CHRDL1: variants seen among roughly 807,000 people sequenced by gnomAD.
CHRDL1 encodes chordin-like protein 1.
A neutral mutation model predicts 40.9 loss-of-function variants in CHRDL1; 19 were observed. The ratio of observed to expected loss-of-function variants is 0.46; its 90% confidence interval spans 0.32 to 0.68. CHRDL1 has a LOEUF of 0.68. Among genes scored for constraint, CHRDL1 ranks in the 30% least tolerant of loss-of-function variants. The pLI is 0.03. For synonymous variants in CHRDL1, 136 were observed against 123.4 expected (o/e 1.10, Z -0.68); for missense variants, 329 against 352.1 (o/e 0.93, Z 0.53).
At chrX:110,735,066 A>G (rs1329404501) in intron 4 of CHRDL1, among the ~76,000 whole-genome samples, 2 of 110,830 alleles carry the variant, frequency 1.8e-5, no homozygotes, top group Non-Finnish European at 1.9e-5. Context: ...AAATGGACAA[A>G]TTAGTCATTA....
intron 6 of CHRDL1, among the ~76,000 whole-genome samples, chrX:110,714,631 C>A (rs1326026390): frequency 9.0e-6 from 1 of 111,430 alleles, no homozygotes; most frequent in Non-Finnish European, 1.9e-5. Context: ...ACTGTCCCAG[C>A]CTCAAAGACA....
At chrX:110,767,397 A>G (rs1168079468) in intron 2 of CHRDL1, among the ~76,000 whole-genome samples, 1 of 110,531 alleles carries the variant, frequency 9.0e-6, no homozygotes, top group African/African-American at 3.3e-5. Flanking sequence ...GAGGAAGTCA[A>G]ACTGTCCCAG....
chrX:110,697,867 C>T (rs941050559), intron 7 of CHRDL1, among the ~76,000 whole-genome samples: 3 of 100,958 alleles, frequency 3.0e-5, no homozygotes, highest in African/African-American at 1.3e-4. Flanking sequence ...CACACACACA[C>T]ACACACACAC....
At chrX:110,772,641 A>C (rs1000214025) in intron 2 of CHRDL1, among the ~76,000 whole-genome samples, 2 of 112,742 alleles carry the variant, frequency 1.8e-5, no homozygotes, top group Non-Finnish European at 3.7e-5. Context: ...TCTGTCTCAA[A>C]AGCAAAAAGA....
intron 9 of CHRDL1, 60 bp downstream of exon 9, chrX:110,688,534 G>A: frequency 1.2e-6 from 1 of 802,510 alleles, no homozygotes; most frequent in Non-Finnish European, 1.9e-6. Context: ...CCTAAAGAAA[G>A]TTTAGAAAGA....
chrX:110,793,236 A>G (rs1602439469), intron 1 of CHRDL1, among the ~76,000 whole-genome samples: 1 of 112,468 alleles, frequency 8.9e-6, no homozygotes, highest in East Asian at 2.8e-4. Flanking sequence ...ATGCAAAACG[A>G]TCATTTTGGA....
intron 4 of CHRDL1, among the ~76,000 whole-genome samples, chrX:110,749,321 C>A (rs1453539345): frequency 9.0e-6 from 1 of 111,239 alleles, no homozygotes; most frequent in Non-Finnish European, 1.9e-5. Flanking sequence ...AACCTCAACT[C>A]CCAAGTTTGA....
At chrX:110,711,337 C>A (rs1239088783) in intron 6 of CHRDL1, among the ~76,000 whole-genome samples, 1 of 110,969 alleles carries the variant, frequency 9.0e-6, no homozygotes, top group East Asian at 2.8e-4. Flanking sequence ...GAGATTTACC[C>A]TTTTAACAAA....
chrX:110,707,859 C>A (rs1466572591), intron 6 of CHRDL1, among the ~76,000 whole-genome samples: 1 of 111,574 alleles, frequency 9.0e-6, no homozygotes, highest in Non-Finnish European at 1.9e-5. Context: ...GCACAGGCAA[C>A]CTACAGAATG....
chrX:110,752,064 A>T (rs2089369481), intron 4 of CHRDL1, among the ~76,000 whole-genome samples: 1 of 112,104 alleles, frequency 8.9e-6, no homozygotes, highest in Non-Finnish European at 1.9e-5. Flanking sequence ...TGTGGAAGCT[A>T]AAAAAGTTGA....
At chrX:110,722,962 C>T (rs952516208) in intron 4 of CHRDL1, among the ~76,000 whole-genome samples, 3 of 110,925 alleles carry the variant, frequency 2.7e-5, no homozygotes, top group African/African-American at 6.6e-5. Flanking sequence ...TAAAAAAAAA[C>T]AGAATGGGCC....
intron 3 of CHRDL1, among the ~76,000 whole-genome samples, chrX:110,760,199 A>G (rs1378374838): frequency 8.9e-6 from 1 of 112,427 alleles, no homozygotes; most frequent in East Asian, 2.8e-4. Flanking sequence ...TGGATCCTGG[A>G]TTCCATATAA....
Position 110,716,709 on chromosome X carries a change from C to T in CHRDL1, c.541+3126G>A, listed in dbSNP as rs776907037. 1.3e-4 allele frequency among the ~76,000 whole-genome samples: 14 copies of T among 111,246 alleles called. No individual in the cohort carries two copies. The South Asian group carries it at 1.9e-3, about 15-fold the overall frequency. ...CTTCCAACTACTACTTATCAAAATGCGACCTGAGGACGGCCTGCAATAGAA... is the reference window on the plus strand; with the variant it reads ...CTTCCAACTACTACTTATCAAAATGTGACCTGAGGACGGCCTGCAATAGAA... On this transcript the variant is annotated intron_variant, in intron 6 of 11. Transcript: ENST00000372042.
At chrX:110,764,993 C>T (rs181009546) in intron 2 of CHRDL1, among the ~76,000 whole-genome samples, 4 of 111,677 alleles carry the variant, frequency 3.6e-5, no homozygotes, top group East Asian at 2.8e-4. Context: ...ATAAGTGCAC[C>T]GCTGAACATA....
At chrX:110,689,753 A>ATC (rs1207320296) in intron 8 of CHRDL1, among the ~76,000 whole-genome samples, 1 of 43,684 alleles carries the variant, frequency 2.3e-5, no homozygotes, top group East Asian at 3.8e-4. Flanking sequence ...ATATCTATAT[A>ATC]TCTATATATC....
At position 110,681,494 on chromosome X, in the gene CHRDL1, T is replaced by C. The variant is rs1417307475; in HGVS notation, c.1144A>G (p.Thr382Ala). Residue 382 changes from threonine (T) to alanine (A), a missense_variant, in exon 10 of 12, where the codon ACT becomes GCT. Thr to Ala is a moderately conservative substitution (Grantham distance 58). Coordinates refer to ENST00000372042, the MANE Select transcript of CHRDL1 (RefSeq NM_001143981.2). ...TTGTCTTGCTCACCCTTTCGAATAG[T>C]CCAAACGTGGACCTCTACCTGAGGT... ...RPPQVEVHVW[T>A]IRKGILQHFH... is the part of the protein sequence containing the mutation. The C allele has an allele frequency of 1.7e-6, 2 of 1,209,454 alleles. No homozygotes were observed. Among genetic ancestry groups the C allele is most frequent in the Non-Finnish European group, 2.2e-6 (2 of 893,640 alleles).
intron 4 of CHRDL1, among the ~76,000 whole-genome samples, chrX:110,752,281 G>A (rs1312888827): frequency 8.9e-6 from 1 of 112,093 alleles, no homozygotes; most frequent in African/African-American, 3.2e-5. Context: ...TGTTGACCAG[G>A]ATGGTCTCAA....
rs1353956675 is a variant in CHRDL1, at chrX:110,756,612, T to C, written c.301+3049A>G. 2.7e-5 allele frequency among the ~76,000 whole-genome samples: 3 copies of C among 111,467 alleles called. No homozygotes were observed. In the Admixed American group the frequency reaches 2.9e-4, roughly 11 times the overall value. On this transcript the variant is annotated intron_variant, in intron 4 of 11. Transcript: ENST00000372042. ...GGCAGCCCAAACCGAGTCATTAATATATGACCTGGTTTAGAGCAAAGTGAA... is the reference window on the plus strand; with the variant it reads ...GGCAGCCCAAACCGAGTCATTAATACATGACCTGGTTTAGAGCAAAGTGAA...
intron 2 of CHRDL1, among the ~76,000 whole-genome samples, chrX:110,785,906 T>C (rs2090010205): frequency 8.9e-6 from 1 of 112,481 alleles, no homozygotes; most frequent in Non-Finnish European, 1.9e-5. Flanking sequence ...CCAATTTAGA[T>C]CATTCAAAGG....
Sources: gnomAD v4.1 joint callset for allele counts (sites outside exome capture counted in the v4.1 genomes callset) on GRCh38, gnomAD v4.1.1 for gene constraint, MANE v1.5 for transcripts, NCBI Gene and HGNC (gene_info 2026-07-23, HGNC 2026-07-21) for gene names.